Variants in VEZT observed in about 807,000 individuals in gnomAD.
VEZT encodes vezatin, adherens junctions transmembrane protein.
VEZT carries 39 observed loss-of-function variants against 79.9 expected under a neutral mutation model. The observed-to-expected ratio is 0.49, with a 90% confidence interval of 0.38 to 0.64. The LOEUF (loss-of-function observed/expected upper bound fraction) is 0.64, where lower values mean the gene tolerates loss of function less well. VEZT is among the 30% of genes least tolerant of loss of function. The probability of loss-of-function intolerance (pLI) is 0.00; values close to 1 mark genes in which losing one functional copy is unlikely to be tolerated. For synonymous variants in VEZT, 325 were observed against 327.6 expected, an observed-to-expected ratio of 0.99 and a Z score of 0.09; for missense variants, 837 against 893.1, an observed-to-expected ratio of 0.94 and a Z score of 0.80.
At chr12:95,279,068 C>T (rs1190978993) in intron 7 of VEZT, among the ~76,000 whole-genome samples, 1 of 152,154 alleles carries the variant, frequency 6.6e-6, no homozygotes, top group Non-Finnish European at 1.5e-5. Context: ...GAAACTCCGT[C>T]TCAACATAAA....
intron 2 of VEZT, among the ~76,000 whole-genome samples, chr12:95,255,963 G>T (rs1191513689): frequency 6.6e-6 from 1 of 151,954 alleles, no homozygotes; most frequent in African/African-American, 2.4e-5. Context: ...TTCTTCTCTT[G>T]GGTCATAACT....
chr12:95,298,871 A>G (rs1008759272), intron 11 of VEZT: 7 of 152,344 alleles, frequency 4.6e-5, no homozygotes, highest in Non-Finnish European at 8.8e-5. Flanking sequence ...GTGTTTCTTC[A>G]TATAGCTTTA....
At chr12:95,227,753 G>A (rs1185089126) in intron 1 of VEZT, among the ~76,000 whole-genome samples, 3 of 152,108 alleles carry the variant, frequency 2.0e-5, no homozygotes, top group African/African-American at 7.2e-5. Context: ...CGACTGCACC[G>A]GGCCTTAAAT....
intron 4 of VEZT, among the ~76,000 whole-genome samples, chr12:95,263,409 G>A (rs1000482957): frequency 4.6e-5 from 7 of 152,160 alleles, no homozygotes; most frequent in African/African-American, 1.7e-4. Flanking sequence ...CAACACTTTG[G>A]GAGGCTGAGG....
At chr12:95,219,603 A>G (rs1010853398) in intron 1 of VEZT, among the ~76,000 whole-genome samples, 10 of 152,198 alleles carry the variant, frequency 6.6e-5, no homozygotes, top group Admixed American at 6.5e-4. Flanking sequence ...TTAAAAAAAT[A>G]CCATTGTAAT....
At chr12:95,290,686 A>ATT (rs1415464392) in intron 9 of VEZT, 4 of 152,280 alleles carry the variant, frequency 2.6e-5, no homozygotes, top group Non-Finnish European at 5.9e-5. Context: ...AGAAACCAAG[A>ATT]TTAGGGTACT....
At chr12:95,298,402 T>C (rs1436097997) in intron 11 of VEZT, among the ~76,000 whole-genome samples, 2 of 152,200 alleles carry the variant, frequency 1.3e-5, no homozygotes, top group Admixed American at 1.3e-4. Flanking sequence ...ATACTGGGCC[T>C]ACATACATCA....
At chr12:95,269,235 G>C (rs1046782483) in intron 5 of VEZT, among the ~76,000 whole-genome samples, 1 of 152,184 alleles carries the variant, frequency 6.6e-6, no homozygotes, top group Non-Finnish European at 1.5e-5. Context: ...CATATATACT[G>C]TAAGTTATGA....
chr12:95,287,880 C>T (rs1171061163), intron 9 of VEZT, 23 bp downstream of exon 9: 2 of 1,559,626 alleles, frequency 1.3e-6, no homozygotes, highest in Admixed American at 3.8e-5. Context: ...GATTTCTTTG[C>T]CATATGCTTA....
chr12:95,256,449 T>G (rs1430236855), intron 2 of VEZT: 4 of 600,748 alleles, frequency 6.7e-6, no homozygotes, highest in Non-Finnish European at 7.3e-6. Context: ...TTTTTCAGAC[T>G]TTACATTGAT....
chr12:95,224,077 CATT>C (rs1478952864), intron 1 of VEZT: 1 of 433,264 alleles, frequency 2.3e-6, no homozygotes, highest in Non-Finnish European at 4.7e-6. Context: ...TTGATGTTAT[CATT>C]GGTGATTATT....
chr12:95,233,150 C>T (rs902249626), intron 1 of VEZT, among the ~76,000 whole-genome samples: 9 of 151,810 alleles, frequency 5.9e-5, no homozygotes, highest in Admixed American at 3.9e-4. Context: ...TCATTTTATT[C>T]ATTTACTAAA....
At chr12:95,248,911 A>C (rs2062095873) in intron 1 of VEZT, among the ~76,000 whole-genome samples, 1 of 151,998 alleles carries the variant, frequency 6.6e-6, no homozygotes, top group African/African-American at 2.4e-5. Context: ...TTTGGGCCGG[A>C]TTTGCCACCG....
intron 8 of VEZT, among the ~76,000 whole-genome samples, chr12:95,284,045 C>G (rs1594023925): frequency 6.6e-6 from 1 of 150,452 alleles, no homozygotes; most frequent in Non-Finnish European, 1.5e-5. Context: ...GAAGATGGCT[C>G]AGGGAAGAAA....
chr12:95,294,840 A>C (rs1253358770), intron 10 of VEZT, among the ~76,000 whole-genome samples: 1 of 152,102 alleles, frequency 6.6e-6, no homozygotes, highest in Non-Finnish European at 1.5e-5. Flanking sequence ...TTCCGTGTAT[A>C]TTGCATAACA....
At chr12:95,239,967 AGAGAGAGAGAGAGAG>A (rs1258836057) in intron 1 of VEZT, among the ~76,000 whole-genome samples, 2 of 149,840 alleles carry the variant, frequency 1.3e-5, no homozygotes, top group African/African-American at 2.5e-5. Context: ...AGAGAGAGAG[AGAGAGAGAGAGAGAG>A]GAGAGAGAGA....
chr12:95,248,304 A>T (rs1343268856), intron 1 of VEZT, among the ~76,000 whole-genome samples: 1 of 152,202 alleles, frequency 6.6e-6, no homozygotes, highest in Non-Finnish European at 1.5e-5. Context: ...GTTGGATATG[A>T]TCTGTGATAT....
At chr12:95,232,575 T>G (rs1362607921) in intron 1 of VEZT, among the ~76,000 whole-genome samples, 1 of 152,194 alleles carries the variant, frequency 6.6e-6, no homozygotes, top group Non-Finnish European at 1.5e-5. Context: ...TGCCTCATAC[T>G]CTCTTCTCTG....
intron 1 of VEZT, among the ~76,000 whole-genome samples, chr12:95,224,499 G>A (rs561954279): frequency 6.8e-4 from 104 of 152,050 alleles, no homozygotes; most frequent in African/African-American, 2.4e-3. Context: ...TCTTATCACG[G>A]GATTCTTCTT....
Sources: gnomAD v4.1 joint callset for allele counts (sites outside exome capture counted in the v4.1 genomes callset) on GRCh38, gnomAD v4.1.1 for gene constraint, MANE v1.5 for transcripts, NCBI Gene and HGNC (gene_info 2026-07-23, HGNC 2026-07-21) for gene names.